ZNF280D: variants seen among roughly 807,000 people sequenced by gnomAD.
The protein encoded by ZNF280D is zinc finger protein 280D.
A neutral mutation model predicts 94.7 loss-of-function variants in ZNF280D; 39 were observed. The ratio of observed to expected loss-of-function variants is 0.41; its 90% CI spans 0.32 to 0.54. The LOEUF is 0.54. ZNF280D is among the 20% of genes least tolerant of loss of function. ZNF280D has a pLI of 0.22. For synonymous variants in ZNF280D, 398 were observed against 377.6 expected, an observed-to-expected ratio of 1.05 and a Z score of -0.63; for missense variants, 1,090 against 1,149.3, an observed-to-expected ratio of 0.95 and a Z score of 0.75.
intron 6 of ZNF280D, chr15:56,698,901 C>T (rs1204971597): frequency 6.6e-6 from 1 of 152,116 alleles, no homozygotes; most frequent in East Asian, 1.9e-4. Context: ...AATACTTCCC[C>T]AACAGAATTT....
At chr15:56,733,300 C>A (rs2058996673) in intron 1 of ZNF280D, among the ~76,000 whole-genome samples, 158 bp downstream of exon 1, 1 of 152,028 alleles carries the variant, frequency 6.6e-6, no homozygotes, top group African/African-American at 2.4e-5. Context: ...GCCGCCGCCG[C>A]GCAGCCGGTC....
chr15:56,633,653 G>T (rs2052203045), intron 21 of ZNF280D, among the ~76,000 whole-genome samples: 2 of 151,796 alleles, frequency 1.3e-5, no homozygotes, highest in African/African-American at 2.4e-5. Flanking sequence ...ACCAAGCCCG[G>T]CTAATTTTTA....
chr15:56,685,807 C>A (rs979714829), intron 9 of ZNF280D, among the ~76,000 whole-genome samples: 4 of 151,984 alleles, frequency 2.6e-5, no homozygotes, highest in Non-Finnish European at 4.4e-5. Flanking sequence ...TTGTGAAAGG[C>A]TTTTAAAAAA....
intron 20 of ZNF280D, chr15:56,635,905 T>G (rs2052329197): frequency 1.3e-5 from 2 of 152,182 alleles, no homozygotes; most frequent in Non-Finnish European, 2.9e-5. Flanking sequence ...ACTATCTCAT[T>G]TAATCTACAT....
At chr15:56,713,347 C>G (rs1160731676) in intron 1 of ZNF280D, among the ~76,000 whole-genome samples, 4 of 152,162 alleles carry the variant, frequency 2.6e-5, no homozygotes, top group African/African-American at 7.2e-5. Context: ...TATAAAAAAA[C>G]TAACAATTTA....
chr15:56,647,174 A>G (rs538256455), intron 19 of ZNF280D, among the ~76,000 whole-genome samples: 358 of 152,342 alleles, frequency 2.3e-3, no homozygotes, highest in Non-Finnish European at 4.3e-3. Flanking sequence ...ACAAGCTGAG[A>G]GTCCAGTTAA....
chr15:56,660,234 G>C (rs2140770382), intron 16 of ZNF280D, among the ~76,000 whole-genome samples: 1 of 152,170 alleles, frequency 6.6e-6, no homozygotes, highest in African/African-American at 2.4e-5. Flanking sequence ...ACCAAAATAA[G>C]TTATTTTTAA....
rs143808542 is a variant in ZNF280D at position 56,717,993 on chromosome 15, C to G, written c.-85-10687G>C. Among the ~76,000 whole-genome samples, 465 of 152,218 alleles carry G rather than the reference C, an allele frequency of 3.1e-3. 6 individuals are homozygous for G. Among genetic ancestry groups the G allele is most frequent in the African/African-American group, 0.011 (442 of 41,536 alleles). ...TATGAAAAATTTAAACATTATGTGA[C>G]TGAAAATGTTCACTTTCAAGATCCC... On this transcript the variant is annotated intron_variant, in intron 1 of 21. Transcript: ENST00000267807.
At chr15:56,652,315 T>C (rs1255173262) in intron 19 of ZNF280D, among the ~76,000 whole-genome samples, 2 of 152,128 alleles carry the variant, frequency 1.3e-5, no homozygotes. Flanking sequence ...TTTAAGAAAT[T>C]AGTATAGTAA....
At chr15:56,710,002 T>C (rs1036210747) in intron 1 of ZNF280D, among the ~76,000 whole-genome samples, 1 of 151,742 alleles carries the variant, frequency 6.6e-6, no homozygotes, top group Non-Finnish European at 1.5e-5. Context: ...GAACTTAAAG[T>C]ATAATAAAAT....
intron 1 of ZNF280D, among the ~76,000 whole-genome samples, chr15:56,718,852 TA>T (rs1424364857): frequency 1.3e-5 from 2 of 152,154 alleles, no homozygotes; most frequent in Non-Finnish European, 2.9e-5. Flanking sequence ...CAAATCAAAT[TA>T]CCTTTTCTTC....
rs201912659 is a variant in ZNF280D, at chr15:56,678,646, A to G, written c.1162+18T>C. The G allele has an allele frequency of 6.5e-7, 1 of 1,545,614 alleles. No individual in the cohort carries two copies. Among genetic ancestry groups the G allele is most frequent in the Non-Finnish European group, 8.7e-7 (1 of 1,143,656 alleles). On this transcript the variant is annotated intron_variant, in intron 11 of 21. Transcript: ENST00000267807. Reference sequence around the variant, plus strand: ...CGAAATCAATAATATGGAATATTTAAATGTATTGGTAACTTACTAGAAAAT... The same window carrying G: ...CGAAATCAATAATATGGAATATTTAGATGTATTGGTAACTTACTAGAAAAT...
At chr15:56,658,540 T>C (rs527625739) in intron 16 of ZNF280D, 54 bp from the exon 17 acceptor site, 78 of 1,262,304 alleles carry the variant, frequency 6.2e-5, no homozygotes, top group Non-Finnish European at 8.1e-5. Flanking sequence ...GTCACATTAA[T>C]TTATAACTAT....
At chr15:56,709,703 T>C (rs1174503580) in intron 1 of ZNF280D, among the ~76,000 whole-genome samples, 6 of 152,294 alleles carry the variant, frequency 3.9e-5, no homozygotes, top group African/African-American at 1.2e-4. Context: ...GTTCATGTCT[T>C]TGTAGGCACA....
At chr15:56,674,780 C>T (rs1218431607) in intron 13 of ZNF280D, among the ~76,000 whole-genome samples, 1 of 151,510 alleles carries the variant, frequency 6.6e-6, no homozygotes, top group Non-Finnish European at 1.5e-5. Flanking sequence ...ATATTTAACA[C>T]ATCTGGAATT....
At chr15:56,708,183 A>G (rs953945862) in intron 1 of ZNF280D, among the ~76,000 whole-genome samples, 3 of 152,154 alleles carry the variant, frequency 2.0e-5, no homozygotes, top group Non-Finnish European at 2.9e-5. Flanking sequence ...CTACTTTTCA[A>G]TTTCTAAAGT....
At chr15:56,707,188 A>G (rs2057460025) in intron 2 of ZNF280D, 38 bp from the exon 3 acceptor site, 1 of 1,609,508 alleles carries the variant, frequency 6.2e-7, no homozygotes, top group African/African-American at 1.3e-5. Flanking sequence ...GAGTCACTTT[A>G]AGTAACACCA....
rs149332616 is a variant in ZNF280D at position 56,671,708 on chromosome 15, G to A, written c.1411-2751C>T. Among the ~76,000 whole-genome samples, 12 of 152,198 alleles carry A rather than the reference G, an allele frequency of 7.9e-5. 1 individual carries two copies. The East Asian group carries it at 2.1e-3, about 27-fold the overall frequency. ...TTAAAATGGCTTTTCCTAGTTTTGT[G>A]AAGAATGTCCATGGTAGTTTAATGG... On this transcript the variant is annotated intron_variant, in intron 13 of 21. Transcript: ENST00000267807.
At chr15:56,725,138 A>G (rs1358245746) in intron 1 of ZNF280D, 2 of 252,470 alleles carry the variant, frequency 7.9e-6, no homozygotes, top group Non-Finnish European at 1.6e-5. Context: ...AGGAACGCAC[A>G]GGAGTGAAGC....
Sources: gnomAD v4.1 joint callset for allele counts (sites outside exome capture counted in the v4.1 genomes callset) on GRCh38, gnomAD v4.1.1 for gene constraint, MANE v1.5 for transcripts, NCBI Gene and HGNC (gene_info 2026-07-23, HGNC 2026-07-21) for gene names.